Variants in CDH23 observed in about 807,000 individuals in gnomAD.
The protein encoded by CDH23 is cadherin-23.
Under a neutral mutation model 317.1 loss-of-function variants are expected in CDH23, and 189 were observed. That is an observed-to-expected ratio of 0.60 (90% CI 0.53 to 0.67). CDH23 has a LOEUF of 0.67. Among genes scored for constraint, CDH23 ranks in the 30% least tolerant of loss-of-function variants. The pLI, the probability that CDH23 is intolerant of heterozygous loss-of-function variation, is 0.00. For synonymous variants in CDH23, 1,839 were observed against 1,876.8 expected (o/e 0.98, Z 0.52); for missense variants, 4,401 against 4,592.4 (o/e 0.96, Z 1.20).
At chr10:71,812,973 T>A (rs1208546179) in intron 68 of CDH23, 83 bp downstream of exon 68, 2 of 1,568,212 alleles carry the variant, frequency 1.3e-6, no homozygotes, top group African/African-American at 2.7e-5. Flanking sequence ...GGTAGAGACC[T>A]CCAGGCTCAG....
At chr10:71,586,845 A>G (rs151037949) in intron 9 of CDH23, among the ~76,000 whole-genome samples, 4 of 152,268 alleles carry the variant, frequency 2.6e-5, no homozygotes, top group East Asian at 1.9e-4. Flanking sequence ...TTTATCCTCG[A>G]TAGTATATAT....
chr10:71,732,096 CA>C lies in CDH23; in HGVS notation c.3827del (p.Lys1276ArgfsTer5). 1 of 1,614,008 alleles carries C rather than the reference CA, an allele frequency of 6.2e-7. No individual in the cohort carries two copies. Among genetic ancestry groups the C allele is most frequent in the Non-Finnish European group, 8.5e-7 (1 of 1,179,892 alleles). ...CCGTGAATTACCTGGACTACGAGACCAAGACCAGCTACATGATGAATGTGTC... is the reference window on the plus strand; with the variant it reads ...CCGTGAATTACCTGGACTACGAGACCAGACCAGCTACATGATGAATGTGTC... ...ITVNYLDYETKTSYMMNVSAT... is the reference protein window; with the variant it reads ...ITVNYLDYETXTSYMMNVSAT... On this transcript the variant is annotated frameshift_variant, in exon 32 of 70. Transcript: ENST00000224721. LOFTEE classifies it high-confidence loss of function.
chr10:71,526,398 G>A (rs7921622), intron 6 of CDH23, among the ~76,000 whole-genome samples: 20,951 of 152,224 alleles, frequency 0.14, 1,804 homozygotes, highest in African/African-American at 0.24. Context: ...GACTTCCCCC[G>A]TTTCTGAGTT....
chr10:71,398,350 C>T (rs1311367284), intron 1 of CDH23, among the ~76,000 whole-genome samples: 1 of 152,078 alleles, frequency 6.6e-6, no homozygotes, highest in East Asian at 1.9e-4. Context: ...CTGGCATTGA[C>T]ATTGACCTCG....
At chr10:71,692,899 G>A (rs1865238413) in intron 20 of CDH23, among the ~76,000 whole-genome samples, 1 of 152,228 alleles carries the variant, frequency 6.6e-6, no homozygotes, top group African/African-American at 2.4e-5. Flanking sequence ...GTCATTTTCT[G>A]AGTGTTGGGA....
intron 11 of CDH23, among the ~76,000 whole-genome samples, chr10:71,643,567 CT>C (rs1862674883): frequency 6.6e-6 from 1 of 151,270 alleles, no homozygotes; most frequent in Admixed American, 6.6e-5. Flanking sequence ...TTGCCCCCCC[CT>C]CACCTCCTCA....
rs1841905401 is a variant in CDH23 at position 71,811,098 on chromosome 10, A to G, written c.9078-217A>G. 3.3e-5 allele frequency among the ~76,000 whole-genome samples: 5 copies of G among 151,668 alleles called. No individual in the cohort carries two copies. In the South Asian group the frequency reaches 1.0e-3, roughly 32 times the overall value. On this transcript the variant is annotated intron_variant, in intron 62 of 69. Transcript: ENST00000224721. ...CTCCATCTCAAAAAAAAAAAAAAAA[A>G]AAAAAGGGAGTATTCCATCCACTGT...
At chr10:71,592,752 T>C (rs1254238276) in intron 9 of CDH23, among the ~76,000 whole-genome samples, 1 of 152,226 alleles carries the variant, frequency 6.6e-6, no homozygotes, top group Non-Finnish European at 1.5e-5. Context: ...GCTTGCAGCG[T>C]TTCGGACCTG....
At position 71,751,232 on chromosome 10, in the gene CDH23, G is replaced by C. The variant is rs753973412; in HGVS notation, c.4845+9311G>C. 5 of 1,603,748 alleles carry C rather than the reference G, an allele frequency of 3.1e-6. No individual in the cohort carries two copies. Among genetic ancestry groups the C allele is most frequent in the Admixed American group, 3.4e-5 (2 of 59,018 alleles). On this transcript the variant is annotated intron_variant, in intron 38 of 69. Transcript: ENST00000224721. This position sits in a 1 kb window ranked among gnomAD's most constrained non-coding sequence, Gnocchi z 4.9. ...ACCTGCCCCAGACCCAGCCACAACA[G>C]CCCACTGTCCCCCAGCTGGGCTAGA...
chr10:71,495,120 A>T (rs1384082138), intron 3 of CDH23, among the ~76,000 whole-genome samples: 1 of 152,172 alleles, frequency 6.6e-6, no homozygotes, highest in Non-Finnish European at 1.5e-5. Flanking sequence ...AAAAACACAA[A>T]CAGAGGCAAG....
At chr10:71,779,469 C>T (rs2132930130) in intron 41 of CDH23, 22 bp downstream of exon 41, 1 of 1,578,134 alleles carries the variant, frequency 6.3e-7, no homozygotes, top group Non-Finnish European at 8.7e-7. Flanking sequence ...TTGGGGCATG[C>T]CACCCACAGG....
intron 28 of CDH23, 90 bp downstream of exon 28, chr10:71,712,903 A>C: frequency 6.8e-7 from 1 of 1,469,318 alleles, no homozygotes. Context: ...GTGGCACCAG[A>C]GGCGGAAGCA....
chr10:71,642,641 C>T (rs994701351), intron 11 of CDH23, among the ~76,000 whole-genome samples: 14 of 151,874 alleles, frequency 9.2e-5, no homozygotes, highest in Admixed American at 2.6e-4. Context: ...CTCAAGTGAT[C>T]CACCCACCTC....
In CDH23 at chr10:71,645,401, C is replaced by G. The variant is rs552013957; in HGVS notation, c.1141-430C>G. 5.4e-4 allele frequency among the ~76,000 whole-genome samples: 82 copies of G among 152,314 alleles called. 2 individuals carry two copies. In the South Asian group the frequency reaches 0.016, roughly 29 times the overall value. ...TGCATCCCTTGTGTCCTCTCCTGGC[C>G]AAGCCTGTCATGGCCGCTTAACTGC... On this transcript the variant is annotated intron_variant, in intron 12 of 69. Coordinates refer to ENST00000224721, the MANE Select transcript of CDH23 (RefSeq NM_022124.6).
chr10:71,630,966 C>T (rs186519758), intron 11 of CDH23, among the ~76,000 whole-genome samples: 5 of 152,158 alleles, frequency 3.3e-5, no homozygotes, highest in African/African-American at 9.6e-5. Context: ...CACCGGTGGC[C>T]GGCATGGCGG....
Position 71,647,032 on chromosome 10 carries a change from C to T in CDH23, c.1449+415C>T, listed in dbSNP as rs1862928088. 4.1e-6 allele frequency: 4 copies of T among 985,458 alleles called. No homozygotes were observed. In the South Asian group the frequency reaches 1.4e-4, roughly 35 times the overall value. 61.0% of individuals were successfully genotyped at this position (985,458 alleles called of 1,614,324 possible). On this transcript the variant is annotated intron_variant, in intron 14 of 69. Coordinates refer to ENST00000224721, the MANE Select transcript of CDH23 (RefSeq NM_022124.6). ...CTGGAGGGTACCGGGGCACCCCCAG[C>T]TGCCCATGGCTGGACTTGCCCTTTG... is the stretch of plus-strand genomic sequence containing the variant.
rs1840321997 is a variant in CDH23 at position 71,760,191 on chromosome 10, GTATATACATA to G, written c.4846-17483_4846-17474del. Among the ~76,000 whole-genome samples the G allele has an allele frequency of 1.1e-4, 7 of 61,246 alleles. 2 individuals are homozygous for G. Among genetic ancestry groups the G allele is most frequent in the African/African-American group, 7.0e-4 (7 of 10,070 alleles). 40.2% of individuals were successfully genotyped at this position (61,246 alleles called of 152,430 possible). ...TACATATATATGTGTGTATATATAT[GTATATACATA>G]TATATGTGTGTATATATGTGTATAT... On this transcript the variant is annotated intron_variant, in intron 38 of 69. Coordinates refer to ENST00000224721, the MANE Select transcript of CDH23 (RefSeq NM_022124.6).
chr10:71,806,966 A>C (rs545288335), intron 57 of CDH23, among the ~76,000 whole-genome samples: 1 of 152,316 alleles, frequency 6.6e-6, no homozygotes, highest in East Asian at 1.9e-4. Context: ...TTGTGTGCAC[A>C]TGGGATGTGA....
In CDH23 at chr10:71,734,352, C is replaced by T. The variant is rs982699079; in HGVS notation, c.4206+11C>T. The T allele has an allele frequency of 6.3e-7, 1 of 1,598,960 alleles. No individual in the cohort carries two copies. Among genetic ancestry groups the T allele is most frequent in the Non-Finnish European group, 8.5e-7 (1 of 1,172,150 alleles). Reference sequence around the variant, plus strand: ...GTGGACTCCACCGTGGTGAGTGGGACCAGGGTGAGAGTCCCTCAGGTGCGG... The same window carrying T: ...GTGGACTCCACCGTGGTGAGTGGGATCAGGGTGAGAGTCCCTCAGGTGCGG... On this transcript the variant is annotated intron_variant, in intron 33 of 69. Transcript: ENST00000224721.
Sources: gnomAD v4.1 joint callset for allele counts (sites outside exome capture counted in the v4.1 genomes callset) on GRCh38, gnomAD v4.1.1 for gene constraint, Gnocchi (gnomAD v3.1) non-coding constraint, MANE v1.5 for transcripts, NCBI Gene and HGNC (gene_info 2026-07-23, HGNC 2026-07-21) for gene names.